Variants in THSD7A observed in about 807,000 individuals in gnomAD.
THSD7A encodes thrombospondin type-1 domain-containing protein 7A.
A neutral mutation model predicts 231.3 loss-of-function variants in THSD7A; 96 were observed. The observed-to-expected ratio is 0.41, with a 90% CI of 0.35 to 0.49. THSD7A has a LOEUF of 0.49. Ranked by LOEUF, THSD7A falls within the 20% of genes least tolerant of loss-of-function variation. The pLI is 0.05. For synonymous variants in THSD7A, 940 were observed against 743.3 expected (o/e 1.26, Z -4.30); for missense variants, 2,290 against 2,070.2 (o/e 1.11, Z -2.06).
At chr7:11,652,049 C>A (rs1782526683) in intron 1 of THSD7A, among the ~76,000 whole-genome samples, 1 of 151,806 alleles carries the variant, frequency 6.6e-6, no homozygotes, top group Non-Finnish European at 1.5e-5. Context: ...TTCCTTAATT[C>A]TTTAGGACAT....
intron 2 of THSD7A, among the ~76,000 whole-genome samples, chr7:11,622,166 G>A (rs1403130236): frequency 2.0e-5 from 3 of 151,888 alleles, no homozygotes; most frequent in Non-Finnish European, 4.4e-5. Flanking sequence ...CATTTTAAAG[G>A]TACATATACC....
At chr7:11,588,718 C>T (rs1385979869) in intron 4 of THSD7A, among the ~76,000 whole-genome samples, 1 of 152,084 alleles carries the variant, frequency 6.6e-6, no homozygotes, top group African/African-American at 2.4e-5. Flanking sequence ...AATTGACATT[C>T]CAAAACTAAA....
At chr7:11,683,345 C>T (rs1046476869) in intron 1 of THSD7A, among the ~76,000 whole-genome samples, 19 of 151,556 alleles carry the variant, frequency 1.3e-4, no homozygotes, top group African/African-American at 4.1e-4. Flanking sequence ...ACAAACTAAA[C>T]CCAAAGCTAG....
chr7:11,515,290 T>G (rs1242082814), intron 6 of THSD7A, among the ~76,000 whole-genome samples: 1 of 152,176 alleles, frequency 6.6e-6, no homozygotes, highest in Non-Finnish European at 1.5e-5. Context: ...TAACTGAATA[T>G]TCACAGCTTC....
At chr7:11,750,402 G>A (rs956723757) in intron 1 of THSD7A, among the ~76,000 whole-genome samples, 1 of 151,896 alleles carries the variant, frequency 6.6e-6, no homozygotes, top group Admixed American at 6.6e-5. Context: ...TCATGTGAAA[G>A]AATTCGTTCG....
chr7:11,667,415 G>A (rs1783183860), intron 1 of THSD7A, among the ~76,000 whole-genome samples: 1 of 152,046 alleles, frequency 6.6e-6, no homozygotes, highest in Non-Finnish European at 1.5e-5. Context: ...ACGAGCGTTT[G>A]TACTTTATCT....
At chr7:11,741,358 T>C (rs574174927) in intron 1 of THSD7A, among the ~76,000 whole-genome samples, 46 of 152,082 alleles carry the variant, frequency 3.0e-4, no homozygotes, top group African/African-American at 1.0e-3. Flanking sequence ...ATTCATGCCA[T>C]GCCAAATTCC....
At chr7:11,482,469 A>G (rs1402561637) in intron 6 of THSD7A, among the ~76,000 whole-genome samples, 1 of 152,170 alleles carries the variant, frequency 6.6e-6, no homozygotes, top group East Asian at 1.9e-4. Flanking sequence ...TTATTTTCAT[A>G]CAATTGGCAA....
intron 1 of THSD7A, among the ~76,000 whole-genome samples, chr7:11,764,637 C>T (rs1249073550): frequency 6.7e-6 from 1 of 149,944 alleles, no homozygotes; most frequent in African/African-American, 2.5e-5. Context: ...CTCATGAAAG[C>T]ATAATCAGAT....
intron 14 of THSD7A, 36 bp downstream of exon 14, chr7:11,428,911 C>A: frequency 6.4e-7 from 1 of 1,560,070 alleles, no homozygotes; most frequent in South Asian, 1.2e-5. Flanking sequence ...TTGTGAATCT[C>A]AACAATATCT....
intron 1 of THSD7A, among the ~76,000 whole-genome samples, chr7:11,796,260 C>T (rs2355093): frequency 6.7e-6 from 1 of 150,056 alleles, no homozygotes; most frequent in Non-Finnish European, 1.5e-5. Flanking sequence ...TTCTATATTT[C>T]TATTCTTGTG....
intron 6 of THSD7A, among the ~76,000 whole-genome samples, chr7:11,504,110 C>T (rs752573881): frequency 1.3e-5 from 2 of 152,036 alleles, no homozygotes; most frequent in Non-Finnish European, 2.9e-5. Context: ...ACATATATAC[C>T]ATGGAATATT....
rs1562589393 is a variant in THSD7A, at chr7:11,411,750, T to G, written c.3683-428A>C. On this transcript the variant is annotated intron_variant, in intron 18 of 27. Coordinates refer to ENST00000423059, the MANE Select transcript of THSD7A (RefSeq NM_015204.3). The surrounding 1 kb of genome is among the most constrained non-coding windows in gnomAD (Gnocchi z 4.1). The stretch of plus-strand genomic sequence containing the variant: ...ATTCAGATAAAACATACATTTTATT[T>G]CTTATCCATATTTAGAATGCAAGAA... Among the ~76,000 whole-genome samples the G allele has an allele frequency of 6.6e-6, 1 of 152,304 alleles. No homozygotes were observed. Among genetic ancestry groups the G allele is most frequent in the South Asian group, 2.1e-4 (1 of 4,828 alleles).
At position 11,411,079 on chromosome 7, in the gene THSD7A, C is replaced by T. The variant is rs908830374; in HGVS notation, c.3798+128G>A. 9.6e-5 allele frequency: 62 copies of T among 646,030 alleles called. 1 individual carries two copies. Among genetic ancestry groups the T allele is most frequent in the African/African-American group, 8.8e-4 (48 of 54,630 alleles). 40.0% of individuals were successfully genotyped at this position (646,030 alleles called of 1,614,324 possible). ...TGTGTCTTTTCAAGAACATACTTAG[C>T]CTGTGAACAGTGCAGAAAAACATCT... is the stretch of plus-strand genomic sequence containing the variant. On this transcript the variant is annotated intron_variant, in intron 19 of 27. Transcript: ENST00000423059. The surrounding 1 kb of genome is among the most constrained non-coding windows in gnomAD (Gnocchi z 4.1).
chr7:11,574,248 T>TAGTTC (rs10695364), intron 4 of THSD7A, among the ~76,000 whole-genome samples: 1 of 151,624 alleles, frequency 6.6e-6, no homozygotes, highest in African/African-American at 2.4e-5. Flanking sequence ...TTATTTATTT[T>TAGTTC]TTGGTATATA....
rs554978408 is a variant in THSD7A at position 11,512,515 on chromosome 7, G to A, written c.1822+28904C>T. Among the ~76,000 whole-genome samples, 8 of 152,116 alleles carry A rather than the reference G, an allele frequency of 5.3e-5. No individual in the cohort carries two copies. The South Asian group carries it at 1.0e-3, about 20-fold the overall frequency. On this transcript the variant is annotated intron_variant, in intron 6 of 27. Transcript: ENST00000423059. The stretch of plus-strand genomic sequence containing the variant: ...TTTTATTTTGGCACTATTCACAAGA[G>A]CAGACTTGGAACCAACCCAAATGTT...
At chr7:11,592,265 T>A (rs549867670) in intron 3 of THSD7A, among the ~76,000 whole-genome samples, 2 of 152,176 alleles carry the variant, frequency 1.3e-5, no homozygotes, top group East Asian at 1.9e-4. Flanking sequence ...ACATTACTAT[T>A]TTTTTTGTTG....
chr7:11,676,643 T>C (rs1783649131), intron 1 of THSD7A, among the ~76,000 whole-genome samples: 1 of 152,122 alleles, frequency 6.6e-6, no homozygotes, highest in Non-Finnish European at 1.5e-5. Context: ...AATAGCTGAT[T>C]CAATCAAGTG....
intron 1 of THSD7A, among the ~76,000 whole-genome samples, chr7:11,773,839 A>C (rs1405313): frequency 0.45 from 68,748 of 151,844 alleles, 15,761 homozygotes; most frequent in Middle Eastern, 0.52. Context: ...TAAGGTGATT[A>C]ATAAAAAGCC....
Sources: allele counts gnomAD v4.1 joint callset (sites outside exome capture counted in the v4.1 genomes callset), GRCh38; gene constraint gnomAD v4.1.1; non-coding constraint Gnocchi (gnomAD v3.1); transcripts MANE v1.5; gene names NCBI Gene and HGNC (gene_info 2026-07-23, HGNC 2026-07-21).